The following FANCA variants were observed in gnomAD, a reference collection of about 807,000 sequenced individuals.
FANCA encodes FA complementation group A.
In FANCA, 236 loss-of-function variants were observed where a neutral mutation model predicts 194.3. That is an observed-to-expected ratio of 1.21 (90% CI 1.09 to 1.35). The LOEUF (loss-of-function observed/expected upper bound fraction) is 1.35. FANCA is among the 40% of genes most tolerant of loss of function. The pLI is 0.00. For missense variants in FANCA, 2,628 were observed against 1,813.9 expected (o/e 1.45, Z -8.15); for synonymous variants, 1,014 against 715.8 (o/e 1.42, Z -6.65).
In FANCA at chr16:89,775,591, G is replaced by T. The variant is rs138562629; in HGVS notation, c.1900+151C>A. 825 of 677,102 alleles carry T rather than the reference G, an allele frequency of 1.2e-3. 9 individuals carry two copies. The highest frequency in any genetic ancestry group is 0.011 in the African/African-American group (645 of 56,246). 41.9% of individuals were successfully genotyped at this position (677,102 alleles called of 1,614,324 possible). ...GTGCCACAGCTGGCACTGGGCGTCAGCATGGTGGGCGGACCCTGTACCCAA... is the reference window on the plus strand; with the variant it reads ...GTGCCACAGCTGGCACTGGGCGTCATCATGGTGGGCGGACCCTGTACCCAA... On this transcript the variant is annotated intron_variant, in intron 21 of 42. Transcript: ENST00000389301.
chr16:89,813,518 T>C (rs765864513), intron 3 of FANCA, among the ~76,000 whole-genome samples: 2 of 152,072 alleles, frequency 1.3e-5, no homozygotes, highest in South Asian at 2.1e-4. Context: ...ATGCAACCTC[T>C]GCCTCCCACG....
chr16:89,811,791 C>T (rs913999845), intron 3 of FANCA, among the ~76,000 whole-genome samples: 3 of 152,082 alleles, frequency 2.0e-5, no homozygotes, highest in African/African-American at 4.8e-5. Context: ...AGTGCAACGG[C>T]GCCATCTCAG....
intron 11 of FANCA, among the ~76,000 whole-genome samples, chr16:89,794,706 T>G (rs1334102074): frequency 6.6e-6 from 1 of 152,158 alleles, no homozygotes; most frequent in African/African-American, 2.4e-5. Flanking sequence ...GTTTCCTGCC[T>G]GAGCATCTAC....
intron 10 of FANCA, 71 bp downstream of exon 10, chr16:89,799,095 A>G (rs963304639): frequency 8.1e-6 from 13 of 1,614,078 alleles, no homozygotes; most frequent in Non-Finnish European, 1.0e-5. Flanking sequence ...AGTGTTTAAA[A>G]TATCTTGGCT....
intron 20 of FANCA, among the ~76,000 whole-genome samples, chr16:89,776,883 C>T (rs1188850287): frequency 6.6e-6 from 1 of 151,860 alleles, no homozygotes; most frequent in African/African-American, 2.4e-5. Flanking sequence ...TGCTAAAAAT[C>T]CTTAGCAAAT....
In FANCA at chr16:89,746,695, G is replaced by A; in HGVS notation, c.3409-7C>T. ...GACAGGCGTTCAGGAGGCCCTGCAG[G>A]AGAGAACGCAGCAGGAGGTCAGCGG... On this transcript the variant is annotated splice_region_variant and splice_polypyrimidine_tract_variant and intron_variant, in intron 34 of 42. Coordinates refer to ENST00000389301, the MANE Select transcript of FANCA (RefSeq NM_000135.4). 1 of 1,613,354 alleles carries A rather than the reference G, an allele frequency of 6.2e-7. No individual in the cohort carries two copies. Among genetic ancestry groups the A allele is most frequent in the African/African-American group, 1.3e-5 (1 of 75,046 alleles).
At position 89,737,721 on chromosome 16, in the gene FANCA, C is replaced by G; in HGVS notation, c.*880G>C. 6.3e-7 allele frequency: 1 copy of G among 1,599,512 alleles called. No individual in the cohort carries two copies. The highest frequency in any genetic ancestry group is 2.2e-5 in the East Asian group (1 of 44,574). On this transcript the variant is annotated 3_prime_UTR_variant, in exon 43 of 43. Coordinates refer to ENST00000389301, the MANE Select transcript of FANCA (RefSeq NM_000135.4). Reference sequence around the variant, plus strand: ...ACCATGTGCAGAAATGTCTTCCCAGCTGTGATGGTTTCACATTGTCATCGT... The same window carrying G: ...ACCATGTGCAGAAATGTCTTCCCAGGTGTGATGGTTTCACATTGTCATCGT...
intron 24 of FANCA, 68 bp from the exon 25 acceptor site, chr16:89,770,327 C>T (rs2039281366): frequency 7.2e-7 from 1 of 1,383,896 alleles, no homozygotes; most frequent in Non-Finnish European, 1.0e-6. Flanking sequence ...AACAGCTAAT[C>T]CAACCACCAG....
chr16:89,769,751 G>A, intron 26 of FANCA, 86 bp downstream of exon 26: 1 of 1,475,146 alleles, frequency 6.8e-7, no homozygotes, highest in Non-Finnish European at 9.3e-7. Context: ...ATGTCTGCAT[G>A]TCTGTCTCTT....
chr16:89,766,343 G>C (rs17233176), intron 27 of FANCA, among the ~76,000 whole-genome samples: 9,087 of 151,932 alleles, frequency 0.06, 416 homozygotes, highest in East Asian at 0.22. Flanking sequence ...TCCTATAAAA[G>C]GACAACACTG....
chr16:89,801,290 G>C (rs868514282), intron 8 of FANCA, among the ~76,000 whole-genome samples: 2 of 140,860 alleles, frequency 1.4e-5, no homozygotes, highest in African/African-American at 5.4e-5. Context: ...CTTGCAGTGA[G>C]CCGAGATCGC....
chr16:89,795,270 C>G (rs917223296), intron 11 of FANCA, among the ~76,000 whole-genome samples: 1 of 148,000 alleles, frequency 6.8e-6, no homozygotes. Flanking sequence ...GGCAACAGAG[C>G]AAGACTCCAT....
chr16:89,808,341 C>A lies in FANCA; in HGVS notation c.549G>T (p.Trp183Cys), dbSNP rs758528624. ...TCACAATGCCTTGTACGTGAAGATG[C>A]CACACCGCTTCAAGCAACAAAGAAC... ...IQSSLLLEAV[W>C]HLHVQGIVSL... is the part of the protein sequence containing the mutation. The change falls in exon 6 of 43, where the codon TGG becomes TGT. Residue 183 changes from tryptophan to cysteine, a missense_variant. Transcript: ENST00000389301. 5.6e-6 allele frequency: 9 copies of A among 1,613,962 alleles called. No homozygotes were observed. The highest frequency in any genetic ancestry group is 1.6e-4 in the Middle Eastern group (1 of 6,084).
In FANCA at chr16:89,737,570, GTTTC is replaced by G. The variant is rs2061978347; in HGVS notation, c.*1027_*1030del. 2 of 657,730 alleles carry G rather than the reference GTTTC, an allele frequency of 3.0e-6. No homozygotes were observed. The highest frequency in any genetic ancestry group is 4.8e-6 in the Non-Finnish European group (2 of 420,278). 40.7% of individuals were successfully genotyped at this position (657,730 alleles called of 1,614,324 possible). A position where few individuals can be genotyped will look rare whatever the true frequency, so the allele number is the denominator to read the frequency against. Reference sequence around the variant, plus strand: ...GTGGTTAAGGAAATAGCTTTCTGAGGTTTCTTTAAAAACCATCCTGAAATGCACA... The same window carrying G: ...GTGGTTAAGGAAATAGCTTTCTGAGGTTTAAAAACCATCCTGAAATGCACA... On this transcript the variant is annotated 3_prime_UTR_variant, in exon 43 of 43. Transcript: ENST00000389301.
At chr16:89,768,734 T>A (rs1321532543) in intron 26 of FANCA, among the ~76,000 whole-genome samples, 1 of 152,156 alleles carries the variant, frequency 6.6e-6, no homozygotes, top group African/African-American at 2.4e-5. Context: ...CCCTTTCTTA[T>A]GCAAAAAGTA....
At chr16:89,753,587 A>G (rs1007948781) in intron 30 of FANCA, among the ~76,000 whole-genome samples, 1 of 152,242 alleles carries the variant, frequency 6.6e-6, no homozygotes, top group Non-Finnish European at 1.5e-5. Context: ...TTTGTGATAA[A>G]AACACTCAAT....
At chr16:89,763,318 G>A (rs1225951356) in intron 28 of FANCA, among the ~76,000 whole-genome samples, 1 of 152,014 alleles carries the variant, frequency 6.6e-6, no homozygotes, top group Non-Finnish European at 1.5e-5. Flanking sequence ...GCTCACACTT[G>A]CAATCTCAAC....
Position 89,792,556 on chromosome 16 carries a change from G to C in FANCA, c.1007-9C>G. ...CTGAACAGCATCAGATGCTGCAGGG[G>C]GAGAAACAGACAAAAACTTCAAGTC... On this transcript the variant is annotated splice_polypyrimidine_tract_variant and intron_variant, in intron 11 of 42. Coordinates refer to ENST00000389301, the MANE Select transcript of FANCA (RefSeq NM_000135.4). 6.2e-7 allele frequency: 1 copy of C among 1,612,474 alleles called. No individual in the cohort carries two copies. The highest frequency in any genetic ancestry group is 8.5e-7 in the Non-Finnish European group (1 of 1,179,768).
chr16:89,811,726 ATTT>A (rs79432713), intron 3 of FANCA, among the ~76,000 whole-genome samples: 2 of 151,124 alleles, frequency 1.3e-5, no homozygotes, highest in Admixed American at 6.6e-5. Flanking sequence ...TCCAAAATTA[ATTT>A]TTTTTTGTTT....
Sources: gnomAD v4.1 joint callset for allele counts (sites outside exome capture counted in the v4.1 genomes callset) on GRCh38, gnomAD v4.1.1 for gene constraint, MANE v1.5 for transcripts, NCBI Gene and HGNC (gene_info 2026-07-23, HGNC 2026-07-21) for gene names.